DLG1: variants seen among roughly 807,000 people sequenced by gnomAD.
DLG1 encodes discs large MAGUK scaffold protein 1, also known as disks large homolog 1.
DLG1 carries 42 observed loss-of-function variants against 123.4 expected under a neutral mutation model. The observed-to-expected ratio is 0.34, with a 90% confidence interval of 0.27 to 0.44. The LOEUF is 0.44. DLG1 is among the 20% of genes least tolerant of loss of function. DLG1 has a pLI of 1.00. For synonymous variants in DLG1, 317 were observed against 356.2 expected (o/e 0.89, Z 1.24); for missense variants, 942 against 1,082.6 (o/e 0.87, Z 1.82).
At chr3:197,290,866 G>T (rs1348504268) in intron 3 of DLG1, among the ~76,000 whole-genome samples, 2 of 146,950 alleles carry the variant, frequency 1.4e-5, no homozygotes, top group African/African-American at 5.1e-5. Flanking sequence ...CTCCAGCCTG[G>T]GTGGCAGAGC....
intron 4 of DLG1, among the ~76,000 whole-genome samples, chr3:197,236,743 C>A (rs1325306239): frequency 6.6e-6 from 1 of 152,142 alleles, no homozygotes; most frequent in Non-Finnish European, 1.5e-5. Flanking sequence ...AGGTGGTAGA[C>A]AATCTATAAT....
intron 5 of DLG1, among the ~76,000 whole-genome samples, chr3:197,155,491 G>A (rs1037894669): frequency 6.6e-6 from 1 of 152,096 alleles, no homozygotes; most frequent in African/African-American, 2.4e-5. Flanking sequence ...AAAGTCATAT[G>A]AAGAAATAAA....
At chr3:197,169,385 CTGAA>C (rs1406288743) in intron 5 of DLG1, among the ~76,000 whole-genome samples, 1 of 151,992 alleles carries the variant, frequency 6.6e-6, no homozygotes, top group Non-Finnish European at 1.5e-5. Context: ...GTGGCTTAAA[CTGAA>C]TGGTGGTAAT....
At chr3:197,245,126 C>T (rs537954025) in intron 4 of DLG1, among the ~76,000 whole-genome samples, 1 of 152,190 alleles carries the variant, frequency 6.6e-6, no homozygotes, top group Admixed American at 6.5e-5. Flanking sequence ...TTGGTTCATT[C>T]TTTCTACTCT....
At chr3:197,233,360 A>G (rs1372758081) in intron 4 of DLG1, among the ~76,000 whole-genome samples, 1 of 152,190 alleles carries the variant, frequency 6.6e-6, no homozygotes, top group East Asian at 1.9e-4. Context: ...TCATTTTTCA[A>G]CTACTTCTAT....
At chr3:197,222,937 C>T (rs1737895785) in intron 4 of DLG1, among the ~76,000 whole-genome samples, 1 of 152,164 alleles carries the variant, frequency 6.6e-6, no homozygotes, top group African/African-American at 2.4e-5. Flanking sequence ...CTTTAACTAG[C>T]TTCACAAAAT....
intron 14 of DLG1, 91 bp downstream of exon 14, chr3:197,104,812 A>G: frequency 1.1e-6 from 1 of 891,788 alleles, no homozygotes; most frequent in Non-Finnish European, 1.8e-6. Flanking sequence ...AAGGAAGTTT[A>G]GCTTGGAAGT....
At chr3:197,250,229 G>A (rs1753696690) in intron 4 of DLG1, among the ~76,000 whole-genome samples, 1 of 152,082 alleles carries the variant, frequency 6.6e-6, no homozygotes, top group African/African-American at 2.4e-5. Flanking sequence ...AAATCAACAT[G>A]AAAAATCAAT....
intron 4 of DLG1, among the ~76,000 whole-genome samples, chr3:197,225,272 A>G (rs1739252259): frequency 6.6e-6 from 1 of 152,202 alleles, no homozygotes; most frequent in South Asian, 2.1e-4. Context: ...GTTCCATCTA[A>G]TATTTTATAT....
At chr3:197,120,097 CAA>C (rs1020658512) in intron 11 of DLG1, among the ~76,000 whole-genome samples, 2 of 151,490 alleles carry the variant, frequency 1.3e-5, no homozygotes, top group Non-Finnish European at 2.9e-5. Context: ...CCATCTCTAC[CAA>C]AAAAATACAA....
intron 4 of DLG1, among the ~76,000 whole-genome samples, chr3:197,257,089 T>A (rs898699148): frequency 4.6e-5 from 7 of 152,124 alleles, no homozygotes; most frequent in African/African-American, 1.7e-4. Context: ...TGAAGTCTTT[T>A]AAAAAAAATC....
In DLG1 at chr3:197,266,183, G is replaced by A. The variant is rs574310887; in HGVS notation, c.318+16496C>T. ...GCCCCCAAAAGGTAAAATTCACAAC[G>A]TCTGCCAAATTCATCCAAATTATCA... On this transcript the variant is annotated intron_variant, in intron 4 of 24. Transcript: ENST00000667157. Among the ~76,000 whole-genome samples the A allele has an allele frequency of 5.3e-5, 8 of 152,056 alleles. No individual in the cohort carries two copies. The East Asian group carries it at 1.4e-3, about 26-fold the overall frequency.
intron 7 of DLG1, among the ~76,000 whole-genome samples, chr3:197,140,803 G>A (rs1787569423): frequency 6.6e-6 from 1 of 152,174 alleles, no homozygotes; most frequent in African/African-American, 2.4e-5. Flanking sequence ...GCTGCCATCA[G>A]TCCCTGACAT....
rs537400659 is a variant in DLG1 at position 197,056,191 on chromosome 3, A to G, written c.2483+3698T>C. 4.6e-5 allele frequency among the ~76,000 whole-genome samples: 7 copies of G among 152,348 alleles called. No homozygotes were observed. The South Asian group carries it at 1.0e-3, about 23-fold the overall frequency. On this transcript the variant is annotated intron_variant, in intron 23 of 24. Transcript: ENST00000667157. ...ATAGTAACATCAGACAGATTCTGCC[A>G]GTGCAGTTGTCGTCTGGGTGGGGAG...
At chr3:197,068,358 G>A in intron 19 of DLG1, 3 of 609,724 alleles carry the variant, frequency 4.9e-6, no homozygotes, top group Non-Finnish European at 8.4e-6. Context: ...ATAAAATGCT[G>A]AAATACAGGA....
intron 24 of DLG1, among the ~76,000 whole-genome samples, chr3:197,044,960 T>TTTTC (rs1428550904): frequency 2.0e-5 from 3 of 151,578 alleles, no homozygotes; most frequent in African/African-American, 4.8e-5. Flanking sequence ...CTTGGAGATC[T>TTTTC]TTTCTTTTGT....
chr3:197,127,413 ATTC>A (rs1779694919), intron 11 of DLG1, among the ~76,000 whole-genome samples: 1 of 108,310 alleles, frequency 9.2e-6, no homozygotes, highest in African/African-American at 3.5e-5. Context: ...ACAGAGCGAG[ATTC>A]TGTCTCCAAA....
intron 24 of DLG1, among the ~76,000 whole-genome samples, chr3:197,050,290 A>T (rs1471009555): frequency 1.3e-5 from 2 of 150,998 alleles, no homozygotes; most frequent in Admixed American, 1.3e-4. Context: ...TGGCGTGAAC[A>T]CGGAAGGCGG....
chr3:197,240,538 C>G (rs1437032855), intron 4 of DLG1, among the ~76,000 whole-genome samples: 1 of 152,002 alleles, frequency 6.6e-6, no homozygotes, highest in Non-Finnish European at 1.5e-5. Flanking sequence ...AGCAAGGAAC[C>G]AATAACTGAC....
Sources: gnomAD v4.1 joint callset for allele counts (sites outside exome capture counted in the v4.1 genomes callset) on GRCh38, gnomAD v4.1.1 for gene constraint, MANE v1.5 for transcripts, NCBI Gene and HGNC (gene_info 2026-07-23, HGNC 2026-07-21) for gene names.